Variants in GATA4 observed in about 807,000 individuals in gnomAD.
GATA4 encodes GATA binding protein 4, also known as transcription factor GATA-4.
In GATA4, 7 loss-of-function variants were observed where a neutral mutation model predicts 37.9. The ratio of observed to expected loss-of-function variants is 0.18; its 90% confidence interval spans 0.11 to 0.35. The LOEUF (loss-of-function observed/expected upper bound fraction) is 0.35. GATA4 is among the 10% of genes least tolerant of loss of function. GATA4 has a pLI of 1.00. For synonymous variants in GATA4, 372 were observed against 292.6 expected (o/e 1.27, Z -2.77); for missense variants, 647 against 653.0 (o/e 0.99, Z 0.10).
At position 11,678,120 on chromosome 8, in the gene GATA4, C is replaced by A. The variant is rs148904165; in HGVS notation, c.-274+1057C>A. Among the ~76,000 whole-genome samples, 74 of 151,864 alleles carry A rather than the reference C, an allele frequency of 4.9e-4. No homozygotes were observed. In the East Asian group the frequency reaches 0.013, roughly 26 times the overall value. On this transcript the variant is annotated intron_variant, in intron 1 of 6. Coordinates refer to the GATA4 transcript ENST00000528712. ...GAGAAGGCACGGGTCAGTGTCATAA[C>A]CAAGGCTCTGAGAGTTTGAAACCTA...
intron 2 of GATA4, among the ~76,000 whole-genome samples, chr8:11,745,563 G>C (rs1003846086): frequency 2.0e-5 from 3 of 152,092 alleles, no homozygotes; most frequent in African/African-American, 7.2e-5. Flanking sequence ...TCCAGCCTGG[G>C]GGACAGAGTG....
chr8:11,685,655 C>G (rs977120888), intron 1 of GATA4, among the ~76,000 whole-genome samples: 3 of 152,178 alleles, frequency 2.0e-5, no homozygotes, highest in Non-Finnish European at 4.4e-5. Flanking sequence ...GGAAGAGATT[C>G]CCCTCCCCAT....
At chr8:11,699,620 C>T (rs969834000), upstream of GATA4, among the ~76,000 whole-genome samples, 6 of 152,372 alleles carry the variant, frequency 3.9e-5, no homozygotes, top group East Asian at 1.9e-4. Context: ...GTGGCCACTG[C>T]GCCTCCAGCG....
At chr8:11,679,745 A>G (rs1223419257) in intron 1 of GATA4, among the ~76,000 whole-genome samples, 4 of 152,160 alleles carry the variant, frequency 2.6e-5, no homozygotes, top group Non-Finnish European at 5.9e-5. Context: ...ACGGAAAGTG[A>G]CATTTTTACA....
At chr8:11,748,679 C>T (rs1009184325) in intron 2 of GATA4, among the ~76,000 whole-genome samples, 1 of 152,112 alleles carries the variant, frequency 6.6e-6, no homozygotes, top group Admixed American at 6.5e-5. Flanking sequence ...CAGCCCAGGA[C>T]GTGGGTGATC....
intron 4 of GATA4, 35 bp from the exon 5 acceptor site, chr8:11,755,011 T>C: frequency 6.5e-7 from 1 of 1,542,988 alleles, no homozygotes; most frequent in Non-Finnish European, 9.0e-7. Context: ...TACGCAGAAA[T>C]GGAAAACCCT....
At chr8:11,729,734 C>T (rs771517447) in intron 2 of GATA4, among the ~76,000 whole-genome samples, 2 of 152,136 alleles carry the variant, frequency 1.3e-5, no homozygotes, top group Non-Finnish European at 1.5e-5. Context: ...CGCTGAAAAG[C>T]AGGGGTTAAG....
At chr8:11,679,282 T>G (rs1326465657) in intron 1 of GATA4, among the ~76,000 whole-genome samples, 1 of 150,326 alleles carries the variant, frequency 6.7e-6, no homozygotes, top group Non-Finnish European at 1.5e-5. Context: ...TCGCGCGAAT[T>G]CGGGCAATTT....
intron 2 of GATA4, among the ~76,000 whole-genome samples, chr8:11,711,906 C>G: frequency 6.6e-6 from 1 of 152,084 alleles, no homozygotes; most frequent in East Asian, 1.9e-4. Flanking sequence ...AGAACTGACC[C>G]CAGCTTTCTG....
intron 2 of GATA4, among the ~76,000 whole-genome samples, chr8:11,735,148 A>C (rs564037914): frequency 6.6e-6 from 1 of 152,378 alleles, no homozygotes; most frequent in African/African-American, 2.4e-5. Flanking sequence ...ATATGGTAAA[A>C]CAAAGATTTG....
intron 2 of GATA4, among the ~76,000 whole-genome samples, chr8:11,726,486 A>G (rs912234141): frequency 6.6e-6 from 1 of 152,158 alleles, no homozygotes; most frequent in Non-Finnish European, 1.5e-5. Flanking sequence ...GCAGGGAGAA[A>G]GGTGCAGGTG....
chr8:11,691,736 C>G (rs1337131143), upstream of GATA4, among the ~76,000 whole-genome samples: 1 of 151,598 alleles, frequency 6.6e-6, no homozygotes, highest in African/African-American at 2.4e-5. Flanking sequence ...GATCCAGATC[C>G]TCGAGGCCTA....
chr8:11,741,805 C>G (rs1801753829), intron 2 of GATA4, among the ~76,000 whole-genome samples: 1 of 152,216 alleles, frequency 6.6e-6, no homozygotes, highest in East Asian at 1.9e-4. Flanking sequence ...GATGGGAAAA[C>G]AGCATGCTTG....
intron 1 of GATA4, among the ~76,000 whole-genome samples, chr8:11,678,403 A>G (rs1344755298): frequency 6.6e-6 from 1 of 152,218 alleles, no homozygotes; most frequent in African/African-American, 2.4e-5. Flanking sequence ...AAGCTGTCAC[A>G]AAACTTACAA....
intron 2 of GATA4, among the ~76,000 whole-genome samples, chr8:11,731,081 A>G (rs1390495652): frequency 6.6e-6 from 1 of 152,076 alleles, no homozygotes; most frequent in Admixed American, 6.5e-5. Flanking sequence ...CTTACCTGTA[A>G]TCTGTTCACT....
chr8:11,730,406 A>G (rs1207832031), intron 2 of GATA4, among the ~76,000 whole-genome samples: 3 of 152,244 alleles, frequency 2.0e-5, no homozygotes, highest in Non-Finnish European at 2.9e-5. Context: ...TGTGAGATTC[A>G]GTGAAGGTGA....
chr8:11,683,190 A>G (rs576213686), intron 1 of GATA4: 4 of 914,672 alleles, frequency 4.4e-6, no homozygotes, highest in African/African-American at 1.8e-5. Flanking sequence ...AGCAGCAGGA[A>G]CAATCCATTA....
At position 11,758,861 on chromosome 8, in the gene GATA4, C is replaced by T. The variant is rs1802741824; in HGVS notation, c.*386C>T. 3.0e-6 allele frequency: 1 copy of T among 332,258 alleles called. No individual in the cohort carries two copies. The highest frequency in any genetic ancestry group is 7.7e-5 in the East Asian group (1 of 13,026). The allele number at this position is 332,258 out of a possible 1,614,324, so 20.6% of individuals were successfully genotyped here. The stretch of plus-strand genomic sequence containing the variant: ...GGGCCGGGCCCTGGGACCCCTGCTC[C>T]AGCCCGAATGACGGCATCTGTTTGC... On this transcript the variant is annotated 3_prime_UTR_variant, in exon 7 of 7. Coordinates refer to ENST00000532059, the MANE Select transcript of GATA4 (RefSeq NM_001308093.3).
Position 11,698,190 on chromosome 8 carries a change from C to T in GATA4, c.-728-2318C>T, listed in dbSNP as rs571218902. On this transcript the variant is annotated intron_variant, in intron 1 of 2. Transcript: ENST00000526974. ...CCAGGGTCTGTGGTCTCTCTCCTTT[C>T]TCTGTCTCTGCTCTCTCTGCCCGTC... 4.7e-4 allele frequency among the ~76,000 whole-genome samples: 72 copies of T among 152,302 alleles called. 4 individuals are homozygous for T. The South Asian group carries it at 0.014, about 31-fold the overall frequency.
Sources: gnomAD v4.1 joint callset for allele counts (sites outside exome capture counted in the v4.1 genomes callset) on GRCh38, gnomAD v4.1.1 for gene constraint, MANE v1.5 for transcripts, NCBI Gene and HGNC (gene_info 2026-07-23, HGNC 2026-07-21) for gene names.